LRP1B: variants seen among roughly 807,000 people sequenced by gnomAD.
LRP1B encodes LDL receptor related protein 1B, also known as low-density lipoprotein receptor-related protein 1B.
In LRP1B, 217 loss-of-function variants were observed where a neutral mutation model predicts 556.6. That is an observed-to-expected ratio of 0.39 (90% CI 0.35 to 0.44). The LOEUF (loss-of-function observed/expected upper bound fraction) is 0.44. LRP1B is among the 20% of genes least tolerant of loss of function. LRP1B has a pLI of 1.00. For synonymous variants in LRP1B, 2,047 were observed against 1,865.8 expected, an observed-to-expected ratio of 1.10 and a Z score of -2.50; for missense variants, 5,053 against 5,620.8, an observed-to-expected ratio of 0.90 and a Z score of 3.23.
chr2:141,381,086 C>A (rs554756388), intron 3 of LRP1B, among the ~76,000 whole-genome samples: 2 of 151,820 alleles, frequency 1.3e-5, no homozygotes, highest in Non-Finnish European at 2.9e-5. Context: ...CAGAAGCTGA[C>A]CCTGATGAAA....
chr2:141,088,986 CA>C (rs1047915260), intron 7 of LRP1B, among the ~76,000 whole-genome samples: 5 of 152,054 alleles, frequency 3.3e-5, no homozygotes, highest in Non-Finnish European at 5.9e-5. Flanking sequence ...ATATCTTTAT[CA>C]GTATTATAAA....
chr2:140,596,433 A>G (rs1034713206), intron 43 of LRP1B, among the ~76,000 whole-genome samples: 1 of 152,212 alleles, frequency 6.6e-6, no homozygotes, highest in Admixed American at 6.5e-5. Context: ...TAAAATGTGT[A>G]TCAAAGTAAT....
intron 1 of LRP1B, among the ~76,000 whole-genome samples, chr2:141,969,911 G>T (rs763772298): frequency 6.6e-6 from 1 of 151,296 alleles, no homozygotes; most frequent in Non-Finnish European, 1.5e-5. Flanking sequence ...AAATACAAGG[G>T]CTCTTTTTTT....
At chr2:140,963,075 C>T (rs747672987) in intron 18 of LRP1B, among the ~76,000 whole-genome samples, 3 of 152,166 alleles carry the variant, frequency 2.0e-5, no homozygotes, top group South Asian at 4.1e-4. Context: ...TATTTACTGA[C>T]GTATTGGTTA....
chr2:141,519,530 T>C (rs1296543530), intron 2 of LRP1B, among the ~76,000 whole-genome samples: 2 of 151,826 alleles, frequency 1.3e-5, no homozygotes, highest in Non-Finnish European at 2.9e-5. Flanking sequence ...CAAGATAGCA[T>C]TTTAGGTATG....
At chr2:142,125,620 A>G (rs1030377537) in intron 1 of LRP1B, among the ~76,000 whole-genome samples, 2 of 151,846 alleles carry the variant, frequency 1.3e-5, no homozygotes, top group East Asian at 3.8e-4. Context: ...CCAAAATAAA[A>G]TAACTGGAGA....
At chr2:141,088,474 A>G (rs1023218995) in intron 7 of LRP1B, among the ~76,000 whole-genome samples, 3 of 152,122 alleles carry the variant, frequency 2.0e-5, no homozygotes, top group African/African-American at 7.2e-5. Flanking sequence ...ACGGCTTGAG[A>G]CCAGGAGATT....
At position 141,057,339 on chromosome 2, in the gene LRP1B, G is replaced by A. The variant is rs188441509; in HGVS notation, c.1408+1544C>T. Among the ~76,000 whole-genome samples, 640 of 151,848 alleles carry A rather than the reference G, an allele frequency of 4.2e-3. 6 individuals carry two copies. The highest frequency in any genetic ancestry group is 0.015 in the African/African-American group (607 of 41,458). ...TACTTCTCTTTTCCTTGTTCGTTCT[G>A]CTTTAGACACACAGGTATTCTTGCC... On this transcript the variant is annotated intron_variant, in intron 9 of 90. Coordinates refer to ENST00000389484, the MANE Select transcript of LRP1B (RefSeq NM_018557.3).
In LRP1B at chr2:140,700,667, T is replaced by C. The variant is rs564078497; in HGVS notation, c.6428-46A>G. On this transcript the variant is annotated intron_variant, in intron 40 of 90. Transcript: ENST00000389484. ...ACACATGCACATGTTTATGTTTTTC[T>C]TTTGTTTTTGAAACAAAATTCTCCA... The C allele has an allele frequency of 4.1e-4, 639 of 1,574,836 alleles. 3 individuals carry two copies. The East Asian group carries it at 0.013, about 32-fold the overall frequency.
chr2:141,292,258 T>G (rs1243106731), intron 3 of LRP1B, among the ~76,000 whole-genome samples: 1 of 152,186 alleles, frequency 6.6e-6, no homozygotes, highest in South Asian at 2.1e-4. Context: ...TGTGGAAAAA[T>G]TATCTTCCAT....
intron 53 of LRP1B, 58 bp from the exon 54 acceptor site, chr2:140,503,161 C>T: frequency 1.3e-6 from 2 of 1,483,840 alleles, no homozygotes; most frequent in East Asian, 2.3e-5. Flanking sequence ...ATTGAAACGT[C>T]ATCTCCTCAA....
chr2:140,464,066 C>T (rs572978834), intron 60 of LRP1B, among the ~76,000 whole-genome samples: 2 of 152,064 alleles, frequency 1.3e-5, no homozygotes, highest in African/African-American at 4.8e-5. Flanking sequence ...CGTGGTGGTG[C>T]ATGCCTGTAG....
At chr2:140,324,752 GTAAAGTA>G (rs1558802275) in intron 80 of LRP1B, among the ~76,000 whole-genome samples, 3 of 151,740 alleles carry the variant, frequency 2.0e-5, no homozygotes, top group Admixed American at 6.6e-5. Flanking sequence ...TCTAGAGGTT[GTAAAGTA>G]TAAAGTGTCT....
At chr2:140,819,966 A>T (rs1691264153) in intron 31 of LRP1B, among the ~76,000 whole-genome samples, 1 of 152,156 alleles carries the variant, frequency 6.6e-6, no homozygotes, top group Non-Finnish European at 1.5e-5. Flanking sequence ...AGTAAAAACT[A>T]ATCTTCACAC....
At chr2:141,060,460 C>T (rs1198478465) in intron 8 of LRP1B, among the ~76,000 whole-genome samples, 1 of 151,670 alleles carries the variant, frequency 6.6e-6, no homozygotes, top group African/African-American at 2.4e-5. Flanking sequence ...ATCTATGGTC[C>T]AATTTTGACT....
chr2:141,938,030 A>T (rs1415608086), intron 1 of LRP1B, among the ~76,000 whole-genome samples: 7 of 152,080 alleles, frequency 4.6e-5, no homozygotes, highest in Admixed American at 2.0e-4. Flanking sequence ...TCTATGATCT[A>T]TATTATATTC....
intron 2 of LRP1B, among the ~76,000 whole-genome samples, chr2:141,582,953 A>T (rs1478289311): frequency 7.3e-6 from 1 of 137,440 alleles, no homozygotes; most frequent in East Asian, 2.2e-4. Context: ...CTCCTGCCTC[A>T]GCCTCCTGAG....
At chr2:141,298,016 A>G (rs1686248138) in intron 3 of LRP1B, among the ~76,000 whole-genome samples, 1 of 152,192 alleles carries the variant, frequency 6.6e-6, no homozygotes, top group South Asian at 2.1e-4. Context: ...ATTTCTCAGA[A>G]TGTGTCTTCA....
chr2:140,254,288 G>T lies in LRP1B; in HGVS notation c.13248-7126C>A, dbSNP rs555332657. Among the ~76,000 whole-genome samples the T allele has an allele frequency of 3.9e-5, 6 of 152,204 alleles. No individual in the cohort carries two copies. The South Asian group carries it at 1.2e-3, about 32-fold the overall frequency. On this transcript the variant is annotated intron_variant, in intron 86 of 90. Coordinates refer to ENST00000389484, the MANE Select transcript of LRP1B (RefSeq NM_018557.3). ...TAGGGCAATAGTAGCATATCAGGAG[G>T]TGTTATTACAAGGTTTTGAGTATGT...
Sources: allele counts gnomAD v4.1 joint callset (sites outside exome capture counted in the v4.1 genomes callset), GRCh38; gene constraint gnomAD v4.1.1; transcripts MANE v1.5; gene names NCBI Gene and HGNC (gene_info 2026-07-23, HGNC 2026-07-21).